The following GABRB1 variants were observed in gnomAD, a reference collection of about 807,000 sequenced individuals.
The protein encoded by GABRB1 is gamma-aminobutyric acid receptor subunit beta-1.
Under a neutral mutation model 51.6 loss-of-function variants are expected in GABRB1, and 17 were observed. The observed-to-expected ratio is 0.33, with a 90% CI of 0.23 to 0.49. The LOEUF (loss-of-function observed/expected upper bound fraction) is 0.49, where lower values mean the gene tolerates loss of function less well. Ranked by LOEUF, GABRB1 falls within the 20% of genes least tolerant of loss-of-function variation. GABRB1 has a pLI of 0.99. For synonymous variants in GABRB1, 247 were observed against 218.9 expected (o/e 1.13, Z -1.14); for missense variants, 410 against 600.6 (o/e 0.68, Z 3.32).
chr4:47,272,019 A>C (rs1722892749), intron 4 of GABRB1, among the ~76,000 whole-genome samples: 1 of 152,008 alleles, frequency 6.6e-6, no homozygotes, highest in African/African-American at 2.4e-5. Context: ...TATGTACATG[A>C]GAATTAATCC....
chr4:47,248,398 A>G (rs1721848601), intron 4 of GABRB1, among the ~76,000 whole-genome samples: 1 of 151,928 alleles, frequency 6.6e-6, no homozygotes, highest in African/African-American at 2.4e-5. Context: ...TATCTTTTTG[A>G]TATGTTATTG....
At chr4:47,276,636 A>G (rs1723087306) in intron 4 of GABRB1, among the ~76,000 whole-genome samples, 1 of 152,180 alleles carries the variant, frequency 6.6e-6, no homozygotes. Context: ...AAAATTCAGA[A>G]TGGAAATATT....
chr4:47,192,885 T>C (rs1012533527), intron 4 of GABRB1, among the ~76,000 whole-genome samples: 1 of 152,192 alleles, frequency 6.6e-6, no homozygotes, highest in African/African-American at 2.4e-5. Context: ...AACAATAATA[T>C]GTTTGTGAGT....
intron 5 of GABRB1, 120 bp downstream of exon 5, chr4:47,320,329 C>T (rs1381415535): frequency 2.8e-6 from 2 of 715,334 alleles, no homozygotes; most frequent in Non-Finnish European, 5.0e-6. Flanking sequence ...GATAAGTTTT[C>T]AAAGGGTTTA....
At chr4:47,030,295 A>C (rs1725247658), upstream of GABRB1, among the ~76,000 whole-genome samples, 2 of 152,134 alleles carry the variant, frequency 1.3e-5, no homozygotes, top group Admixed American at 1.3e-4. Context: ...TAATGGAATA[A>C]ATTTTTCTAT....
intron 5 of GABRB1, among the ~76,000 whole-genome samples, chr4:47,360,520 A>G (rs779029279): frequency 2.6e-5 from 4 of 152,100 alleles, no homozygotes; most frequent in Non-Finnish European, 4.4e-5. Flanking sequence ...GGTGTGCAGT[A>G]ATGTATCTGT....
intron 4 of GABRB1, among the ~76,000 whole-genome samples, chr4:47,297,919 T>G (rs1481694687): frequency 6.6e-6 from 1 of 152,244 alleles, no homozygotes; most frequent in Non-Finnish European, 1.5e-5. Flanking sequence ...ATCCCTGGGA[T>G]GCAAGGCTGG....
Position 47,082,944 on chromosome 4 carries a change from TA to T in GABRB1, c.240+50462del, listed in dbSNP as rs575800338. 7.0e-4 allele frequency among the ~76,000 whole-genome samples: 106 copies of T among 152,264 alleles called. 1 individual carries two copies. Among genetic ancestry groups the T allele is most frequent in the Non-Finnish European group, 1.4e-3 (95 of 67,974 alleles). On this transcript the variant is annotated intron_variant, in intron 3 of 8. Transcript: ENST00000295454. ...TTATGGGGAAATCAGGAATTTACCT[TA>T]ATAGTATCTGTAATAGGAGATTATA...
upstream of GABRB1, chr4:46,993,655 T>A (rs891722371): frequency 2.8e-5 from 15 of 538,798 alleles, no homozygotes; most frequent in Non-Finnish European, 4.0e-5. Context: ...TCAATGTGTA[T>A]GTAGAGCTAT....
chr4:47,029,784 T>C (rs1314890172), upstream of GABRB1, among the ~76,000 whole-genome samples: 1 of 152,118 alleles, frequency 6.6e-6, no homozygotes, highest in Non-Finnish European at 1.5e-5. Context: ...GCAACATTTA[T>C]TGAGTAGCTC....
chr4:47,426,084 C>G lies in GABRB1; in HGVS notation c.*66C>G. On this transcript the variant is annotated 3_prime_UTR_variant, in exon 9 of 9. Coordinates refer to ENST00000295454, the MANE Select transcript of GABRB1 (RefSeq NM_000812.4). ...TATTGTTTTTTAACCTTACAGGTCCCCAACAGCGATACTGCTGTTTCTCGA... is the reference window on the plus strand; with the variant it reads ...TATTGTTTTTTAACCTTACAGGTCCGCAACAGCGATACTGCTGTTTCTCGA... 7.7e-7 allele frequency: 1 copy of G among 1,291,856 alleles called. No homozygotes were observed. The highest frequency in any genetic ancestry group is 1.1e-6 in the Non-Finnish European group (1 of 939,628). 80.0% of individuals were successfully genotyped at this position (1,291,856 alleles called of 1,614,324 possible).
chr4:47,407,495 T>C (rs1728616914), intron 8 of GABRB1, among the ~76,000 whole-genome samples: 3 of 152,246 alleles, frequency 2.0e-5, no homozygotes, highest in Admixed American at 6.5e-5. Flanking sequence ...TGTGGTCTCA[T>C]TGGATGGAAT....
chr4:47,256,299 C>T (rs1225639928), intron 4 of GABRB1, among the ~76,000 whole-genome samples: 1 of 152,172 alleles, frequency 6.6e-6, no homozygotes, highest in Non-Finnish European at 1.5e-5. Flanking sequence ...TGAATTATTT[C>T]ATATGTTTAC....
At chr4:47,180,230 A>T (rs534812747) in intron 4 of GABRB1, among the ~76,000 whole-genome samples, 86 of 152,170 alleles carry the variant, frequency 5.7e-4, no homozygotes, top group Admixed American at 1.8e-3. Flanking sequence ...AGTGGAAGAG[A>T]ATCATTCCAG....
chr4:47,020,406 C>T, intron 1 of GABRB1, among the ~76,000 whole-genome samples: 1 of 152,124 alleles, frequency 6.6e-6, no homozygotes, highest in African/African-American at 2.4e-5. Flanking sequence ...AGGCCTCTTC[C>T]TTGACATGGA....
intron 4 of GABRB1, 144 bp downstream of exon 4, chr4:47,161,613 A>T (rs10016388): frequency 0.85 from 537,100 of 628,956 alleles, 229,636 homozygotes; most frequent in African/African-American, 0.9. Flanking sequence ...GGTCTATTAC[A>T]AACCCTCATG....
At chr4:47,291,548 A>G (rs1427315298) in intron 4 of GABRB1, among the ~76,000 whole-genome samples, 1 of 152,208 alleles carries the variant, frequency 6.6e-6, no homozygotes, top group Non-Finnish European at 1.5e-5. Flanking sequence ...ATGTGCCTGG[A>G]AAAGCTGAAG....
chr4:47,424,780 A>G (rs908122381), intron 8 of GABRB1, among the ~76,000 whole-genome samples: 1 of 152,164 alleles, frequency 6.6e-6, no homozygotes, highest in Non-Finnish European at 1.5e-5. Flanking sequence ...GAAGTTAAAC[A>G]AGGCCACATT....
chr4:47,295,746 A>G (rs1723962113), intron 4 of GABRB1, among the ~76,000 whole-genome samples: 1 of 152,212 alleles, frequency 6.6e-6, no homozygotes, highest in African/African-American at 2.4e-5. Flanking sequence ...CAGATTCAGG[A>G]CATACAGAGA....
Sources: gnomAD v4.1 joint callset for allele counts (sites outside exome capture counted in the v4.1 genomes callset) on GRCh38, gnomAD v4.1.1 for gene constraint, MANE v1.5 for transcripts, NCBI Gene and HGNC (gene_info 2026-07-23, HGNC 2026-07-21) for gene names.